LARGE1: variants seen among roughly 807,000 people sequenced by gnomAD.
LARGE1 encodes LARGE xylosyl- and glucuronyltransferase 1, also known as xylosyl- and glucuronyltransferase LARGE1.
In LARGE1, 43 loss-of-function variants were observed where a neutral mutation model predicts 87.6. The ratio of observed to expected loss-of-function variants is 0.49; its 90% CI spans 0.38 to 0.63. The LOEUF (loss-of-function observed/expected upper bound fraction) is 0.63. Among genes scored for constraint, LARGE1 ranks in the 30% least tolerant of loss-of-function variants. The probability of loss-of-function intolerance (pLI) is 0.00; values close to 1 mark genes in which losing one functional copy is unlikely to be tolerated. For missense variants in LARGE1, 802 were observed against 1,000.2 expected (o/e 0.80, Z 2.67); for synonymous variants, 434 against 394.6 (o/e 1.10, Z -1.18).
chr22:33,236,906 G>T (rs1411581850), intron 11 of LARGE1, among the ~76,000 whole-genome samples: 1 of 152,216 alleles, frequency 6.6e-6, no homozygotes, highest in Non-Finnish European at 1.5e-5. Flanking sequence ...GTATAGGTTA[G>T]GAGATTTAAG....
At chr22:33,599,632 C>T (rs1326303858) in intron 5 of LARGE1, among the ~76,000 whole-genome samples, 2 of 152,206 alleles carry the variant, frequency 1.3e-5, no homozygotes, top group Non-Finnish European at 2.9e-5. Context: ...CGTTTTTAAT[C>T]ATGCACCAAT....
chr22:33,712,273 C>G (rs1299306553), intron 2 of LARGE1, among the ~76,000 whole-genome samples: 1 of 152,132 alleles, frequency 6.6e-6, no homozygotes, highest in Non-Finnish European at 1.5e-5. Context: ...GGATTGCAGG[C>G]CTAACACTGG....
chr22:33,757,867 A>G (rs482567), intron 2 of LARGE1, among the ~76,000 whole-genome samples: 126,457 of 151,886 alleles, frequency 0.83, 52,827 homozygotes, highest in East Asian at 0.97. Flanking sequence ...TGTTGTCTGT[A>G]GCAACCAGCA....
At chr22:33,233,041 T>C (rs1926086618) in intron 11 of LARGE1, among the ~76,000 whole-genome samples, 1 of 152,220 alleles carries the variant, frequency 6.6e-6, no homozygotes, top group Non-Finnish European at 1.5e-5. Context: ...TTGAATGTGC[T>C]TTGAATTCTG....
At chr22:33,148,531 T>C in the LARGE1 span, among the ~76,000 whole-genome samples, 3 of 152,236 alleles carry the variant, frequency 2.0e-5, no homozygotes, top group Admixed American at 1.3e-4. Flanking sequence ...AAAACTCCTA[T>C]GAATATTCAT....
At position 33,374,721 on chromosome 22, in the gene LARGE1, T is replaced by C. The variant is rs115680972; in HGVS notation, c.1131+7198A>G. The stretch of plus-strand genomic sequence containing the variant: ...CTAAATGCTGTCAAATAATAAGTGA[T>C]ACTAGATCTTCTTTGCATTACATTT... On this transcript the variant is annotated intron_variant, in intron 9 of 14. Coordinates refer to ENST00000397394, the MANE Select transcript of LARGE1 (RefSeq NM_133642.5). Among the ~76,000 whole-genome samples, 272 of 152,358 alleles carry C rather than the reference T, an allele frequency of 1.8e-3. 1 individual carries two copies. The highest frequency in any genetic ancestry group is 6.3e-3 in the African/African-American group (263 of 41,596).
intron 1 of LARGE1, among the ~76,000 whole-genome samples, chr22:33,786,272 T>C (rs2085638526): frequency 6.6e-6 from 1 of 152,182 alleles, no homozygotes; most frequent in Admixed American, 6.5e-5. Flanking sequence ...AGCACCAAAG[T>C]TCTTATTCAA....
intron 6 of LARGE1, among the ~76,000 whole-genome samples, chr22:33,546,936 A>G (rs372014891): frequency 6.6e-5 from 10 of 152,252 alleles, no homozygotes; most frequent in African/African-American, 2.2e-4. Flanking sequence ...GATGAGGAAC[A>G]GTGCTTCAAA....
At chr22:33,271,980 T>G (rs910581643), downstream of LARGE1, among the ~76,000 whole-genome samples, 2 of 152,224 alleles carry the variant, frequency 1.3e-5, no homozygotes, top group Admixed American at 1.3e-4. Context: ...GCCTATTGTG[T>G]AAAAATAATT....
intron 2 of LARGE1, among the ~76,000 whole-genome samples, chr22:33,685,463 A>G (rs2081916648): frequency 6.6e-6 from 1 of 152,202 alleles, no homozygotes; most frequent in South Asian, 2.1e-4. Flanking sequence ...ATTAAGGCAA[A>G]GTCCTACAGC....
At chr22:33,284,743 A>G (rs1569012969) in intron 12 of LARGE1, among the ~76,000 whole-genome samples, 1 of 151,964 alleles carries the variant, frequency 6.6e-6, no homozygotes, top group Non-Finnish European at 1.5e-5. Flanking sequence ...ACGTCCATCT[A>G]ATTTTTGTAT....
chr22:33,610,440 A>G (rs1348963969), intron 4 of LARGE1, among the ~76,000 whole-genome samples: 2 of 152,212 alleles, frequency 1.3e-5, no homozygotes, highest in Non-Finnish European at 2.9e-5. Flanking sequence ...TCCATGCCCT[A>G]GAGATCTGTG....
intron 6 of LARGE1, among the ~76,000 whole-genome samples, chr22:33,553,532 A>G (rs185020685): frequency 2.6e-5 from 4 of 152,274 alleles, no homozygotes; most frequent in African/African-American, 9.6e-5. Flanking sequence ...AAAACAAAAC[A>G]AAACAAAATA....
At chr22:33,835,993 A>G (rs896566811) in intron 1 of LARGE1, among the ~76,000 whole-genome samples, 1 of 152,244 alleles carries the variant, frequency 6.6e-6, no homozygotes, top group South Asian at 2.1e-4. Flanking sequence ...GATTCTGTAA[A>G]GCTCCAGATT....
At chr22:33,086,253 T>G in the LARGE1 span, among the ~76,000 whole-genome samples, 5 of 152,182 alleles carry the variant, frequency 3.3e-5, no homozygotes, top group African/African-American at 1.2e-4. Flanking sequence ...AAATTTTATT[T>G]CCCACATCTA....
At chr22:33,519,768 T>C (rs534768837) in intron 6 of LARGE1, among the ~76,000 whole-genome samples, 23 of 152,302 alleles carry the variant, frequency 1.5e-4, no homozygotes, top group Middle Eastern at 3.4e-3. Context: ...ATTCATTCTT[T>C]GAGAGGCTGA....
chr22:33,890,643 G>A (rs1453199893), intron 1 of LARGE1, among the ~76,000 whole-genome samples: 1 of 152,090 alleles, frequency 6.6e-6, no homozygotes, highest in East Asian at 1.9e-4. Flanking sequence ...TGCTGTCAAG[G>A]TTTAAACTAC....
At chr22:33,263,330 C>A (rs1037527271) in intron 11 of LARGE1, among the ~76,000 whole-genome samples, 1 of 152,188 alleles carries the variant, frequency 6.6e-6, no homozygotes, top group Non-Finnish European at 1.5e-5. Context: ...CCTGGGAATA[C>A]GATGGGATAT....
At chr22:33,591,169 C>T (rs1319688742) in intron 5 of LARGE1, among the ~76,000 whole-genome samples, 2 of 152,222 alleles carry the variant, frequency 1.3e-5, no homozygotes, top group Admixed American at 1.3e-4. Flanking sequence ...CCACTGCACT[C>T]CAGCCTGGGC....
Sources: gnomAD v4.1 joint callset for allele counts (sites outside exome capture counted in the v4.1 genomes callset) on GRCh38, gnomAD v4.1.1 for gene constraint, MANE v1.5 for transcripts, NCBI Gene and HGNC (gene_info 2026-07-23, HGNC 2026-07-21) for gene names.